The following FRAS1 variants were observed in gnomAD, a reference collection of about 807,000 sequenced individuals.
FRAS1 encodes Fraser extracellular matrix complex subunit 1, also known as extracellular matrix organizing protein FRAS1.
A neutral mutation model predicts 435.2 loss-of-function variants in FRAS1; 290 were observed. The ratio of observed to expected loss-of-function variants is 0.67; its 90% CI spans 0.61 to 0.73. The LOEUF is 0.73. Ranked by LOEUF, FRAS1 falls within the 30% of genes least tolerant of loss-of-function variation. FRAS1 has a pLI of 0.00. For missense variants in FRAS1, 4,860 were observed against 5,001.5 expected, an observed-to-expected ratio of 0.97 and a Z score of 0.85; for synonymous variants, 1,800 against 1,851.0, an observed-to-expected ratio of 0.97 and a Z score of 0.71.
intron 61 of FRAS1, among the ~76,000 whole-genome samples, chr4:78,503,367 A>G (rs1196331414): frequency 6.6e-6 from 1 of 152,176 alleles, no homozygotes; most frequent in Non-Finnish European, 1.5e-5. Flanking sequence ...TTGTTAGGCT[A>G]TTAATTATTG....
intron 3 of FRAS1, among the ~76,000 whole-genome samples, chr4:78,240,907 G>A (rs1724974643): frequency 1.3e-5 from 2 of 152,176 alleles, no homozygotes; most frequent in South Asian, 4.1e-4. Context: ...ACCAAGGAGA[G>A]TAGAAGATGC....
intron 9 of FRAS1, among the ~76,000 whole-genome samples, chr4:78,271,886 G>A (rs1397766878): frequency 6.6e-6 from 1 of 152,154 alleles, no homozygotes; most frequent in Non-Finnish European, 1.5e-5. Context: ...TGAGGAATTG[G>A]CACACTGTCT....
chr4:78,136,895 A>T (rs185963092), intron 2 of FRAS1, among the ~76,000 whole-genome samples: 1 of 152,208 alleles, frequency 6.6e-6, no homozygotes, highest in East Asian at 1.9e-4. Context: ...TACTTTTGGC[A>T]TACCTACTGT....
intron 2 of FRAS1, among the ~76,000 whole-genome samples, chr4:78,147,227 G>A (rs1178889017): frequency 6.6e-6 from 1 of 152,050 alleles, no homozygotes; most frequent in Non-Finnish European, 1.5e-5. Context: ...TCTGAATAAA[G>A]GTGCAATGAG....
At position 78,477,794 on chromosome 4, in the gene FRAS1, T is replaced by C. The variant is rs746571487; in HGVS notation, c.7852-21T>C. The C allele has an allele frequency of 5.0e-6, 8 of 1,604,008 alleles. No individual in the cohort carries two copies. In the South Asian group the frequency reaches 5.6e-5, roughly 11 times the overall value. ...GGAAGCTGAGGCACAGCTTAACTTC[T>C]TGTTGGTTCCTTTGTGACAGGTCCA... On this transcript the variant is annotated intron_variant, in intron 54 of 73. Coordinates refer to ENST00000512123, the MANE Select transcript of FRAS1 (RefSeq NM_025074.7).
chr4:78,225,756 A>G (rs1303340553), intron 2 of FRAS1, among the ~76,000 whole-genome samples: 1 of 152,216 alleles, frequency 6.6e-6, no homozygotes, highest in Admixed American at 6.5e-5. Flanking sequence ...GCATAAATAT[A>G]TATAAATACA....
chr4:78,445,703 C>G lies in FRAS1; in HGVS notation c.5847C>G (p.Ile1949Met). Residue 1949 changes from isoleucine (I) to methionine (M), a missense_variant, in exon 42 of 74, where the codon ATC becomes ATG. Physicochemically the swap from Ile to Met is conservative, Grantham distance 10. Transcript: ENST00000512123. ...TSRSEIHSINITIERKNDEPP... is the reference protein window; with the variant it reads ...TSRSEIHSINMTIERKNDEPP... ...GTTCAGAAATTCACAGCATCAATATCACCATTGAGGTAAAGACTTTGGAAG... is the reference window on the plus strand; with the variant it reads ...GTTCAGAAATTCACAGCATCAATATGACCATTGAGGTAAAGACTTTGGAAG... 6.2e-7 allele frequency: 1 copy of G among 1,613,870 alleles called. No individual in the cohort carries two copies. Among genetic ancestry groups the G allele is most frequent in the East Asian group, 2.2e-5 (1 of 44,880 alleles).
rs551800470 is a variant in FRAS1 at position 78,308,223 on chromosome 4, T to C, written c.1678+14T>C. On this transcript the variant is annotated intron_variant, in intron 15 of 73. Coordinates refer to ENST00000512123, the MANE Select transcript of FRAS1 (RefSeq NM_025074.7). ...GCACCTGTAGCGGTGAGTGCTGGGT[T>C]GCGATGCTGACGTGTCCTTTCCTTT... 8 of 1,610,988 alleles carry C rather than the reference T, an allele frequency of 5.0e-6. No homozygotes were observed. The East Asian group carries it at 1.6e-4, about 31-fold the overall frequency.
At chr4:78,448,647 C>T (rs1481582554) in intron 44 of FRAS1, among the ~76,000 whole-genome samples, 6 of 128,438 alleles carry the variant, frequency 4.7e-5, no homozygotes, top group African/African-American at 1.7e-4. Context: ...ACATTACTCC[C>T]ATTCAACAAA....
intron 4 of FRAS1, among the ~76,000 whole-genome samples, chr4:78,251,903 G>C (rs1302507224): frequency 6.6e-6 from 1 of 150,448 alleles, no homozygotes; most frequent in Non-Finnish European, 1.5e-5. Flanking sequence ...AGGGCCATGA[G>C]ATCACTGGAA....
Position 78,252,407 on chromosome 4 carries a change from G to A in FRAS1, c.325G>A (p.Ala109Thr), listed in dbSNP as rs1367904678. Residue 109 changes from alanine (A) to threonine (T), a missense_variant, in exon 5 of 74, where the codon GCC becomes ACC. By Grantham distance (58) the Ala-to-Thr change is moderately conservative. Transcript: ENST00000512123. ...KKIHEHGTEW[A>T]SSPCSVCSCN... ...TAACACACAGCATGGGACAGAATGG[G>A]CCTCTTCTCCATGTAGTGTGTGCTC... The A allele has an allele frequency of 4.3e-6, 7 of 1,613,588 alleles. No individual in the cohort carries two copies. Among genetic ancestry groups the A allele is most frequent in the African/African-American group, 1.3e-5 (1 of 74,974 alleles).
intron 9 of FRAS1, 21 bp from the exon 10 acceptor site, chr4:78,278,634 C>G (rs1366049107): frequency 1.4e-6 from 2 of 1,423,678 alleles, no homozygotes; most frequent in Non-Finnish European, 2.0e-6. Context: ...ATATGTGCCA[C>G]TGCAACCCTT....
chr4:78,071,558 T>C (rs6533430), intron 2 of FRAS1: 148,455 of 152,232 alleles, frequency 0.98, 72,496 homozygotes, highest in Middle Eastern at 1. Flanking sequence ...AGGTTAGCTT[T>C]TCTCCAAGAT....
At chr4:78,479,824 TC>T (rs1719958344) in intron 56 of FRAS1, 106 bp downstream of exon 56, 1 of 831,706 alleles carries the variant, frequency 1.2e-6, no homozygotes, top group South Asian at 2.2e-5. Flanking sequence ...AGAATGCCAT[TC>T]CTCAGGGATA....
intron 69 of FRAS1, among the ~76,000 whole-genome samples, chr4:78,523,773 G>A (rs1377981376): frequency 6.6e-6 from 1 of 152,108 alleles, no homozygotes; most frequent in African/African-American, 2.4e-5. Flanking sequence ...TATAGACAGG[G>A]AAACTGTCTT....
chr4:78,359,356 C>T lies in FRAS1; in HGVS notation c.2423-4157C>T, dbSNP rs1399124409. On this transcript the variant is annotated intron_variant, in intron 20 of 73. Transcript: ENST00000512123. Reference sequence around the variant, plus strand: ...GTTGCTCTGATTTCTGGCTTCTTTCCGTGGAGATCGTTACTCATTTTGAGG... The same window carrying T: ...GTTGCTCTGATTTCTGGCTTCTTTCTGTGGAGATCGTTACTCATTTTGAGG... Among the ~76,000 whole-genome samples, 7 of 152,284 alleles carry T rather than the reference C, an allele frequency of 4.6e-5. No homozygotes were observed. The East Asian group carries it at 1.2e-3, about 25-fold the overall frequency.
At chr4:78,396,749 AATG>A (rs1302333050) in intron 29 of FRAS1, among the ~76,000 whole-genome samples, 1 of 152,136 alleles carries the variant, frequency 6.6e-6, no homozygotes, top group Non-Finnish European at 1.5e-5. Context: ...GATAGTTTCA[AATG>A]ATCTGTCTTT....
chr4:78,182,755 C>T (rs1722076003), intron 2 of FRAS1, among the ~76,000 whole-genome samples: 1 of 151,902 alleles, frequency 6.6e-6, no homozygotes. Flanking sequence ...TGGCACGTGC[C>T]TGTAATCTCA....
chr4:78,475,185 A>G (rs1185270807), intron 53 of FRAS1, among the ~76,000 whole-genome samples: 2 of 152,188 alleles, frequency 1.3e-5, no homozygotes, highest in African/African-American at 4.8e-5. Context: ...CCATCTCCCA[A>G]AATGACTCTT....
Sources: allele counts gnomAD v4.1 joint callset (sites outside exome capture counted in the v4.1 genomes callset), GRCh38; gene constraint gnomAD v4.1.1; transcripts MANE v1.5; gene names NCBI Gene and HGNC (gene_info 2026-07-23, HGNC 2026-07-21).